Variants in GAP43 observed in about 807,000 individuals in gnomAD.
The protein encoded by GAP43 is growth associated protein 43, also known as neuromodulin.
Under a neutral mutation model 18.6 loss-of-function variants are expected in GAP43, and 6 were observed. That is an observed-to-expected ratio of 0.32 (90% CI 0.18 to 0.64). The LOEUF (loss-of-function observed/expected upper bound fraction) is 0.64. GAP43 is among the 30% of genes least tolerant of loss of function. The pLI is 0.78. For synonymous variants in GAP43, 115 were observed against 111.4 expected (o/e 1.03, Z -0.20); for missense variants, 292 against 295.5 (o/e 0.99, Z 0.09).
intron 1 of GAP43, among the ~76,000 whole-genome samples, chr3:115,641,158 C>A (rs1285781574): frequency 6.6e-6 from 1 of 151,520 alleles, no homozygotes; most frequent in Non-Finnish European, 1.5e-5. Context: ...AGCTACCACA[C>A]CTGGCCCTGA....
chr3:115,642,454 A>G (rs1559790320), intron 1 of GAP43, among the ~76,000 whole-genome samples: 1 of 151,676 alleles, frequency 6.6e-6, no homozygotes, highest in Non-Finnish European at 1.5e-5. Context: ...ATTAGCTCAT[A>G]GTATAGTGTG....
chr3:115,714,219 G>A (rs931962929), intron 2 of GAP43, among the ~76,000 whole-genome samples: 1 of 152,132 alleles, frequency 6.6e-6, no homozygotes, highest in East Asian at 1.9e-4. Context: ...CCCTTTTGAA[G>A]GATCCTTGAG....
At chr3:115,655,219 A>C (rs1708565372) in intron 1 of GAP43, among the ~76,000 whole-genome samples, 1 of 152,208 alleles carries the variant, frequency 6.6e-6, no homozygotes, top group Non-Finnish European at 1.5e-5. Context: ...GAACACCAGA[A>C]TATTTCTAAA....
chr3:115,675,275 T>C (rs969038363), intron 1 of GAP43, among the ~76,000 whole-genome samples: 5 of 152,152 alleles, frequency 3.3e-5, no homozygotes, highest in African/African-American at 1.2e-4. Flanking sequence ...TCTCACTATG[T>C]TGCCAGGGAT....
At chr3:115,693,876 A>G (rs191580935) in intron 2 of GAP43, among the ~76,000 whole-genome samples, 4 of 152,258 alleles carry the variant, frequency 2.6e-5, no homozygotes, top group African/African-American at 9.6e-5. Flanking sequence ...TTTAGGATCA[A>G]TAATTTGGAC....
chr3:115,673,507 A>G (rs188389605), intron 1 of GAP43, among the ~76,000 whole-genome samples: 97 of 152,352 alleles, frequency 6.4e-4, no homozygotes, highest in African/African-American at 2.3e-3. Flanking sequence ...GTATTAAAGA[A>G]CCAGTTGGCA....
At chr3:115,715,756 A>G (rs1577004554) in intron 2 of GAP43, among the ~76,000 whole-genome samples, 1 of 152,176 alleles carries the variant, frequency 6.6e-6, no homozygotes, top group African/African-American at 2.4e-5. Flanking sequence ...GCTGCTTTTA[A>G]TGGTACAATT....
At chr3:115,665,989 A>AGTGTGTGTGT (rs34314907) in intron 1 of GAP43, among the ~76,000 whole-genome samples, 2 of 61,672 alleles carry the variant, frequency 3.2e-5, no homozygotes, top group African/African-American at 5.2e-5. Flanking sequence ...TGGCTAAATG[A>AGTGTGTGTGT]GTGTGTGTGT....
intron 2 of GAP43, among the ~76,000 whole-genome samples, chr3:115,691,635 G>A (rs1709111793): frequency 6.6e-6 from 1 of 152,044 alleles, no homozygotes; most frequent in South Asian, 2.1e-4. Flanking sequence ...GGAAATTAAC[G>A]TGCAAATAGG....
intron 1 of GAP43, among the ~76,000 whole-genome samples, chr3:115,651,132 CAATAAT>C (rs1009061810): frequency 2.0e-5 from 3 of 151,788 alleles, no homozygotes; most frequent in African/African-American, 7.3e-5. Flanking sequence ...TGGAAAAAAA[CAATAAT>C]AATAATAATA....
chr3:115,662,821 T>C (rs1708681480), intron 1 of GAP43, among the ~76,000 whole-genome samples: 1 of 152,228 alleles, frequency 6.6e-6, no homozygotes, highest in South Asian at 2.1e-4. Context: ...TAGAAAGTTA[T>C]TTTCATTGAC....
intron 1 of GAP43, among the ~76,000 whole-genome samples, chr3:115,638,923 A>T (rs1458313159): frequency 6.6e-6 from 1 of 152,072 alleles, no homozygotes. Flanking sequence ...TATTATACGT[A>T]TTCATGTATA....
intron 2 of GAP43, among the ~76,000 whole-genome samples, chr3:115,714,399 T>C (rs1436212577): frequency 2.6e-5 from 4 of 152,230 alleles, no homozygotes; most frequent in South Asian, 4.1e-4. Flanking sequence ...TAAAATGCCA[T>C]GGCATGGGCA....
intron 1 of GAP43, among the ~76,000 whole-genome samples, chr3:115,656,385 T>C (rs1199984925): frequency 6.6e-6 from 1 of 152,118 alleles, no homozygotes; most frequent in Admixed American, 6.6e-5. Flanking sequence ...GGACCATAGA[T>C]GCAGCCCACT....
rs779752176 is a variant in GAP43, at chr3:115,676,155, A to T, written c.173A>T (p.Asp58Val). ...RKKLKGEKKD[D>V]VQAAEAEANK... ...AAGCTCAAAGGAGAGAAGAAGGATG[A>T]TGTCCAAGCTGCTGAGGCTGAAGCT... is the stretch of plus-strand genomic sequence containing the variant. The change falls in exon 2 of 3, where the codon GAT becomes GTT. Residue 58 changes from aspartate (D) to valine (V), a missense_variant. Asp to Val is a radical substitution (Grantham distance 152). Transcript: ENST00000305124. The T allele has an allele frequency of 2.5e-6, 4 of 1,614,038 alleles. No homozygotes were observed. In the East Asian group the frequency reaches 6.7e-5, roughly 27 times the overall value.
At position 115,623,658 on chromosome 3, in the gene GAP43, A is replaced by C; in HGVS notation, c.-32A>C. ...AGAAAGAGAGAGAAGGAAAGGAGAGAAGGCAGGAAGAAGGCAAGGGACGAG... is the reference window on the plus strand; with the variant it reads ...AGAAAGAGAGAGAAGGAAAGGAGAGCAGGCAGGAAGAAGGCAAGGGACGAG... On this transcript the variant is annotated 5_prime_UTR_variant, in exon 1 of 3. Coordinates refer to ENST00000305124, the MANE Select transcript of GAP43 (RefSeq NM_002045.4). 6.2e-7 allele frequency: 1 copy of C among 1,613,170 alleles called. No individual in the cohort carries two copies. The highest frequency in any genetic ancestry group is 8.5e-7 in the Non-Finnish European group (1 of 1,179,276).
chr3:115,707,823 G>C (rs1267807418), intron 2 of GAP43, among the ~76,000 whole-genome samples: 4 of 152,086 alleles, frequency 2.6e-5, no homozygotes, highest in Non-Finnish European at 4.4e-5. Flanking sequence ...TAGCATTGGG[G>C]TTCCTTTTTA....
chr3:115,651,528 A>G (rs1435721925), intron 1 of GAP43, among the ~76,000 whole-genome samples: 1 of 152,198 alleles, frequency 6.6e-6, no homozygotes, highest in African/African-American at 2.4e-5. Context: ...GAAAAAATCT[A>G]TCCTAAACTC....
intron 2 of GAP43, among the ~76,000 whole-genome samples, chr3:115,706,545 C>A (rs1377672931): frequency 6.6e-6 from 1 of 152,152 alleles, no homozygotes; most frequent in Non-Finnish European, 1.5e-5. Context: ...GGCTGTTCTG[C>A]TTTGAAATAC....
Sources: allele counts gnomAD v4.1 joint callset (sites outside exome capture counted in the v4.1 genomes callset), GRCh38; gene constraint gnomAD v4.1.1; transcripts MANE v1.5; gene names NCBI Gene and HGNC (gene_info 2026-07-23, HGNC 2026-07-21).